DOCK5: variants seen among roughly 807,000 people sequenced by gnomAD.
The protein encoded by DOCK5 is dedicator of cytokinesis protein 5.
A neutral mutation model predicts 251.8 loss-of-function variants in DOCK5; 142 were observed. That is an observed-to-expected ratio of 0.56 (90% CI 0.49 to 0.65). The LOEUF (loss-of-function observed/expected upper bound fraction) is 0.65, where lower values mean the gene tolerates loss of function less well. DOCK5 is among the 30% of genes least tolerant of loss of function. DOCK5 has a pLI of 0.00. For missense variants in DOCK5, 2,111 were observed against 2,312.3 expected, an observed-to-expected ratio of 0.91 and a Z score of 1.79; for synonymous variants, 842 against 835.5, an observed-to-expected ratio of 1.01 and a Z score of -0.13.
At chr8:25,384,427 ATTAT>A (rs1291286132) in intron 40 of DOCK5, among the ~76,000 whole-genome samples, 1 of 129,510 alleles carries the variant, frequency 7.7e-6, no homozygotes, top group Non-Finnish European at 1.6e-5. Context: ...TCTTAATATT[ATTAT>A]TTTATTTATT....
chr8:25,377,721 C>T (rs1377911388), intron 38 of DOCK5, among the ~76,000 whole-genome samples: 1 of 152,116 alleles, frequency 6.6e-6, no homozygotes, highest in Non-Finnish European at 1.5e-5. Context: ...ATTCCAGTTT[C>T]ATCAGGAAGA....
chr8:25,266,392 T>A (rs1803752587), intron 2 of DOCK5, among the ~76,000 whole-genome samples: 1 of 150,816 alleles, frequency 6.6e-6, no homozygotes, highest in African/African-American at 2.5e-5. Context: ...ATTTTTTGTA[T>A]TTTTAGTAGA....
At chr8:25,406,817 G>A (rs1182875570) in intron 48 of DOCK5, among the ~76,000 whole-genome samples, 2 of 151,926 alleles carry the variant, frequency 1.3e-5, no homozygotes, top group East Asian at 1.9e-4. Context: ...TAGTAGAGAC[G>A]AGGTTTCACC....
intron 14 of DOCK5, among the ~76,000 whole-genome samples, chr8:25,319,296 T>G (rs953229070): frequency 6.6e-6 from 1 of 152,158 alleles, no homozygotes; most frequent in African/African-American, 2.4e-5. Context: ...GGAGAATGCA[T>G]GCCTGGGGAG....
chr8:25,357,869 A>G (rs576211901), intron 27 of DOCK5, among the ~76,000 whole-genome samples: 8 of 152,092 alleles, frequency 5.3e-5, no homozygotes, highest in African/African-American at 1.9e-4. Flanking sequence ...GGAGGTTAGC[A>G]CCCCTGGATC....
In DOCK5 at chr8:25,390,195, G is replaced by A. The variant is rs371300955; in HGVS notation, c.4274-11G>A. ...CCCCAGCCCCTCTCCTTTCCTTAAC[G>A]AGCTCTTCAGACATGCAGTGCTTCA... On this transcript the variant is annotated splice_polypyrimidine_tract_variant and intron_variant, in intron 41 of 51. Coordinates refer to ENST00000276440, the MANE Select transcript of DOCK5 (RefSeq NM_024940.8). 20 of 1,575,374 alleles carry A rather than the reference G, an allele frequency of 1.3e-5. No individual in the cohort carries two copies. The highest frequency in any genetic ancestry group is 1.2e-4 in the African/African-American group (9 of 73,946).
intron 1 of DOCK5, among the ~76,000 whole-genome samples, chr8:25,190,359 A>G (rs2117438821): frequency 6.6e-6 from 1 of 152,360 alleles, no homozygotes; most frequent in African/African-American, 2.4e-5. Flanking sequence ...ATTAATGCAT[A>G]AAGTACCAAG....
chr8:25,409,853 CAAAAATAAA>C (rs1801588660), intron 50 of DOCK5: 4 of 354,090 alleles, frequency 1.1e-5, no homozygotes, highest in African/African-American at 2.1e-5. Flanking sequence ...CTCAAAAAAA[CAAAAATAAA>C]AAAAATAAAG....
intron 1 of DOCK5, among the ~76,000 whole-genome samples, chr8:25,194,890 A>G (rs546713145): frequency 2.2e-4 from 34 of 151,306 alleles, no homozygotes; most frequent in Admixed American, 5.3e-4. Context: ...GCAAGCCTGC[A>G]TTAGCGTCTG....
At chr8:25,268,298 T>A (rs1803817362) in intron 2 of DOCK5, among the ~76,000 whole-genome samples, 1 of 152,210 alleles carries the variant, frequency 6.6e-6, no homozygotes, top group African/African-American at 2.4e-5. Flanking sequence ...TATTATTTCA[T>A]TATTTGGATT....
intron 45 of DOCK5, chr8:25,395,956 C>A: frequency 1.6e-6 from 1 of 613,268 alleles, no homozygotes; most frequent in South Asian, 1.6e-5. Flanking sequence ...ACCAACATGC[C>A]TCTGGTCAAA....
chr8:25,332,620 AGAT>A lies in DOCK5; in HGVS notation c.2021_2023del (p.Asp674del). 6.2e-7 allele frequency: 1 copy of A among 1,611,682 alleles called. No homozygotes were observed. The highest frequency in any genetic ancestry group is 8.5e-7 in the Non-Finnish European group (1 of 1,179,068). On this transcript the variant is annotated inframe_deletion, in exon 20 of 52. Coordinates refer to ENST00000276440, the MANE Select transcript of DOCK5 (RefSeq NM_024940.8). ...ATCTTCAGTTTTTGCAAGATACACTAGATGCACTCTTTAACATAATGATGGAAA... is the reference window on the plus strand; with the variant it reads ...ATCTTCAGTTTTTGCAAGATACACTAGCACTCTTTAACATAATGATGGAAA...
intron 1 of DOCK5, among the ~76,000 whole-genome samples, chr8:25,216,179 T>C (rs1387879338): frequency 7.6e-6 from 1 of 131,078 alleles, no homozygotes; most frequent in Non-Finnish European, 1.6e-5. Flanking sequence ...AATATGTGCA[T>C]ACAATATGTA....
At chr8:25,310,129 G>A (rs1805049988) in intron 12 of DOCK5, among the ~76,000 whole-genome samples, 1 of 151,994 alleles carries the variant, frequency 6.6e-6, no homozygotes, top group Admixed American at 6.6e-5. Context: ...GATCACAGAT[G>A]GTTGTAGCTT....
chr8:25,243,608 C>T (rs868620404), intron 1 of DOCK5, 66 bp from the exon 2 acceptor site: 21 of 1,467,680 alleles, frequency 1.4e-5, no homozygotes, highest in Middle Eastern at 1.7e-4. Flanking sequence ...AGATTATAGG[C>T]GTGAGCCACC....
rs769784722 is a variant in DOCK5 at position 25,372,724 on chromosome 8, TG to T, written c.3684+7del. Reference sequence around the variant, plus strand: ...GCTGCACTGTGAACGTGCTGGTATGTGACATGCCTCCGGTGTGATGGGAGGG... The same window carrying T: ...GCTGCACTGTGAACGTGCTGGTATGTACATGCCTCCGGTGTGATGGGAGGG... On this transcript the variant is annotated splice_region_variant and intron_variant, in intron 35 of 51. Coordinates refer to ENST00000276440, the MANE Select transcript of DOCK5 (RefSeq NM_024940.8). 5 of 1,608,924 alleles carry T rather than the reference TG, an allele frequency of 3.1e-6. No homozygotes were observed. Among genetic ancestry groups the T allele is most frequent in the Middle Eastern group, 1.7e-4 (1 of 6,050 alleles).
intron 48 of DOCK5, 34 bp downstream of exon 48, chr8:25,403,758 G>T (rs1157685221): frequency 6.2e-7 from 1 of 1,608,764 alleles, no homozygotes; most frequent in Non-Finnish European, 8.5e-7. Flanking sequence ...CAGGAAGGGT[G>T]GGGTAACGCC....
chr8:25,228,662 A>C (rs1802590341), intron 1 of DOCK5, among the ~76,000 whole-genome samples: 1 of 152,216 alleles, frequency 6.6e-6, no homozygotes, highest in Admixed American at 6.5e-5. Context: ...TGGCAGTGGT[A>C]ACCTGACATA....
chr8:25,222,029 T>C (rs1036742147), intron 1 of DOCK5, among the ~76,000 whole-genome samples: 15 of 152,178 alleles, frequency 9.9e-5, no homozygotes, highest in Non-Finnish European at 7.3e-5. Context: ...CTGTCAGCCC[T>C]GCGAGTTAAG....
Sources: gnomAD v4.1 joint callset for allele counts (sites outside exome capture counted in the v4.1 genomes callset) on GRCh38, gnomAD v4.1.1 for gene constraint, MANE v1.5 for transcripts, NCBI Gene and HGNC (gene_info 2026-07-23, HGNC 2026-07-21) for gene names.